Variants in GAD1 observed in about 807,000 individuals in gnomAD.
GAD1 encodes the protein 67 kDa glutamic acid decarboxylase.
In GAD1, 35 loss-of-function variants were observed where a neutral mutation model predicts 75.2. That is an observed-to-expected ratio of 0.47 (90% CI 0.36 to 0.62). The LOEUF (loss-of-function observed/expected upper bound fraction) is 0.62. Among genes scored for constraint, GAD1 ranks in the 20% least tolerant of loss-of-function variants. The probability of loss-of-function intolerance (pLI) is 0.00; values close to 1 mark genes in which losing one functional copy is unlikely to be tolerated. For synonymous variants in GAD1, 257 were observed against 271.9 expected (o/e 0.95, Z 0.54); for missense variants, 490 against 758.5 (o/e 0.65, Z 4.16).
At position 170,816,998 on chromosome 2, in the gene GAD1, C is replaced by G. The variant is rs1701714856; in HGVS notation, c.-114C>G. Reference sequence around the variant, plus strand: ...GGGCCGAGCCGAGCGGATCGCTGGGCGCTGTGCAGAGGAAAGGCGGGAGTG... The same window carrying G: ...GGGCCGAGCCGAGCGGATCGCTGGGGGCTGTGCAGAGGAAAGGCGGGAGTG... On this transcript the variant is annotated 5_prime_UTR_variant, in exon 1 of 17. Coordinates refer to ENST00000358196, the MANE Select transcript of GAD1 (RefSeq NM_000817.3). The G allele has an allele frequency of 5.3e-6, 1 of 188,986 alleles. No homozygotes were observed. Among genetic ancestry groups the G allele is most frequent in the South Asian group, 1.9e-4 (1 of 5,148 alleles). 11.7% of individuals were successfully genotyped at this position (188,986 alleles called of 1,614,324 possible).
At chr2:170,849,786 A>C (rs1226424886) in intron 12 of GAD1, among the ~76,000 whole-genome samples, 1 of 152,266 alleles carries the variant, frequency 6.6e-6, no homozygotes, top group African/African-American at 2.4e-5. Context: ...GTACCCAGGT[A>C]GGAGATAAGA....
At chr2:170,833,791 C>T (rs1162006054) in intron 5 of GAD1, among the ~76,000 whole-genome samples, 2 of 150,500 alleles carry the variant, frequency 1.3e-5, no homozygotes, top group East Asian at 3.9e-4. Context: ...GTGGATCACG[C>T]GAGCTCAGGA....
At chr2:170,820,774 T>C (rs565050500) in intron 2 of GAD1, among the ~76,000 whole-genome samples, 1 of 152,356 alleles carries the variant, frequency 6.6e-6, no homozygotes, top group East Asian at 1.9e-4. Context: ...AACTTCCCTG[T>C]TGATTGACCT....
At chr2:170,856,827 G>A (rs1488568253) in intron 14 of GAD1, among the ~76,000 whole-genome samples, 191 bp from the exon 15 acceptor site, 1 of 152,188 alleles carries the variant, frequency 6.6e-6, no homozygotes, top group Non-Finnish European at 1.5e-5. Context: ...CTTTGAAAGA[G>A]GAAGCAGGCA....
chr2:170,859,943 A>C lies in GAD1; in HGVS notation c.*61A>C, dbSNP rs944322787. On this transcript the variant is annotated 3_prime_UTR_variant, in exon 17 of 17. Coordinates refer to ENST00000358196, the MANE Select transcript of GAD1 (RefSeq NM_000817.3). ...TTTTCCCTCTGGCACTCCAGAACAA[A>C]CCTCTATATGTTGCTGAAACACACA... 2.0e-6 allele frequency: 3 copies of C among 1,484,670 alleles called. No homozygotes were observed. Among genetic ancestry groups the C allele is most frequent in the Non-Finnish European group, 2.8e-6 (3 of 1,070,296 alleles). 92.0% of individuals were successfully genotyped at this position (1,484,670 alleles called of 1,614,324 possible). A position where few individuals can be genotyped will look rare whatever the true frequency, so the allele number is the denominator to read the frequency against.
chr2:170,843,802 CTA>C (rs1243601872), intron 6 of GAD1: 1 of 508,960 alleles, frequency 2.0e-6, no homozygotes, highest in Non-Finnish European at 3.5e-6. Flanking sequence ...AGATAAGAAT[CTA>C]TTTTGTTGGT....
Position 170,853,947 on chromosome 2 carries a change from C to T in GAD1, c.1338C>T (p.Tyr446=), listed in dbSNP as rs368382588. 15 of 1,613,914 alleles carry T rather than the reference C, an allele frequency of 9.3e-6. No individual in the cohort carries two copies. The highest frequency in any genetic ancestry group is 4.5e-5 in the East Asian group (2 of 44,880). Residue 446 remains tyrosine, a synonymous_variant, in exon 14 of 17, where the codon TAC becomes TAT. Coordinates refer to ENST00000358196, the MANE Select transcript of GAD1 (RefSeq NM_000817.3). The surrounding 1 kb of genome is among the most constrained non-coding windows in gnomAD (Gnocchi z 4.1). ...FQPDKQYDVS[Y]DTGDKAIQCG... ...CAGACAAGCAGTATGATGTCTCCTA[C>T]GACACCGGGGACAAGGCAATTCAGT...
chr2:170,843,705 T>G (rs1702571168), intron 6 of GAD1: 1 of 233,214 alleles, frequency 4.3e-6, no homozygotes, highest in Admixed American at 5.2e-5. Flanking sequence ...TGCATTGTCC[T>G]ATAATCTTAG....
At chr2:170,833,662 TG>T (rs1385916266) in intron 5 of GAD1, among the ~76,000 whole-genome samples, 2 of 152,206 alleles carry the variant, frequency 1.3e-5, no homozygotes, top group African/African-American at 4.8e-5. Flanking sequence ...TACATGATTT[TG>T]TCATAATATC....
rs11327360 is a variant in GAD1 at position 170,844,407 on chromosome 2, C to CTT, written c.751+268_751+269dup. ...TAAATAACCCCATTTTTTCTTTTTT[C>CTT]TTTTTTTTTTTTTTTTTTTGAGACA... is the stretch of plus-strand genomic sequence containing the variant. On this transcript the variant is annotated intron_variant, in intron 7 of 16. Coordinates refer to ENST00000358196, the MANE Select transcript of GAD1 (RefSeq NM_000817.3). 9.6e-3 allele frequency among the ~76,000 whole-genome samples: 1,193 copies of CTT among 124,466 alleles called. 30 individuals are homozygous for CTT. Among genetic ancestry groups the CTT allele is most frequent in the African/African-American group, 0.032 (1,090 of 34,362 alleles). 81.7% of individuals were successfully genotyped at this position (124,466 alleles called of 152,430 possible). A position where few individuals can be genotyped will look rare whatever the true frequency, so the allele number is the denominator to read the frequency against.
chr2:170,859,517 C>T (rs1341727757), intron 16 of GAD1, among the ~76,000 whole-genome samples, 192 bp from the exon 17 acceptor site: 1 of 152,142 alleles, frequency 6.6e-6, no homozygotes, highest in Non-Finnish European at 1.5e-5. Context: ...TTCGGTTGCA[C>T]AGTACTTTCT....
chr2:170,823,845 G>A (rs895644727), intron 3 of GAD1, among the ~76,000 whole-genome samples: 4 of 152,158 alleles, frequency 2.6e-5, no homozygotes, highest in South Asian at 2.1e-4. Flanking sequence ...CCTTACCAGC[G>A]GCGCCTGGCC....
chr2:170,822,394 G>A (rs535350519), intron 3 of GAD1, among the ~76,000 whole-genome samples: 17 of 150,094 alleles, frequency 1.1e-4, no homozygotes, highest in Non-Finnish European at 2.1e-4. Flanking sequence ...CCAGTGGAGC[G>A]AACGCCGGGT....
At chr2:170,817,141 T>G (rs1036534530) in intron 1 of GAD1, 93 bp downstream of exon 1, 1 of 135,784 alleles carries the variant, frequency 7.4e-6, no homozygotes, top group South Asian at 2.4e-4. Context: ...ACCAACCCCA[T>G]CCCAGCGCCG....
chr2:170,823,954 G>A (rs1465500467), intron 3 of GAD1, among the ~76,000 whole-genome samples: 2 of 152,162 alleles, frequency 1.3e-5, no homozygotes, highest in African/African-American at 2.4e-5. Context: ...GGAATAAAAG[G>A]TCTAAGTGCT....
chr2:170,831,291 C>A, intron 5 of GAD1, 99 bp downstream of exon 5: 1 of 1,373,890 alleles, frequency 7.3e-7, no homozygotes, highest in Non-Finnish European at 1.0e-6. Context: ...AAGAAAAACA[C>A]AGCCCTGGTG....
chr2:170,855,023 A>T (rs1054453833), intron 14 of GAD1, among the ~76,000 whole-genome samples: 1 of 152,192 alleles, frequency 6.6e-6, no homozygotes, highest in Admixed American at 6.5e-5. Context: ...TTGATTTCAT[A>T]GTTTTATATT....
intron 4 of GAD1, 103 bp from the exon 5 acceptor site, chr2:170,830,847 A>G (rs914553000): frequency 2.8e-6 from 4 of 1,434,740 alleles, no homozygotes; most frequent in Middle Eastern, 1.8e-4. Context: ...CCCAGAATGA[A>G]ATCAGGCCTA....
chr2:170,827,279 G>A (rs1388024728), intron 3 of GAD1, among the ~76,000 whole-genome samples: 2 of 152,272 alleles, frequency 1.3e-5, no homozygotes, highest in East Asian at 3.9e-4. Flanking sequence ...CACCTCTTGG[G>A]ACTTTCTTCC....
Sources: allele counts gnomAD v4.1 joint callset (sites outside exome capture counted in the v4.1 genomes callset), GRCh38; gene constraint gnomAD v4.1.1; non-coding constraint Gnocchi (gnomAD v3.1); transcripts MANE v1.5; gene names NCBI Gene and HGNC (gene_info 2026-07-23, HGNC 2026-07-21).